Variants in CLCNKB observed in about 807,000 individuals in gnomAD.
CLCNKB encodes the protein chloride voltage-gated channel Kb.
A neutral mutation model predicts 83.8 loss-of-function variants in CLCNKB; 74 were observed. The ratio of observed to expected loss-of-function variants is 0.88; its 90% CI spans 0.73 to 1.07. The LOEUF is 1.07. Ranked by LOEUF, CLCNKB falls within the 50% of genes least tolerant of loss-of-function variation. CLCNKB has a pLI of 0.00. For missense variants in CLCNKB, 798 were observed against 893.6 expected (o/e 0.89, Z 1.36); for synonymous variants, 358 against 356.6 (o/e 1.00, Z -0.04).
In CLCNKB at chr1:16,051,113, C is replaced by T. The variant is rs1339983095; in HGVS notation, c.1227+65C>T. Reference sequence around the variant, plus strand: ...CAGCTCTGGTGGTGGTGGGGGGTACCTCATCGCAGCTGGTGGCATGGAGCC... The same window carrying T: ...CAGCTCTGGTGGTGGTGGGGGGTACTTCATCGCAGCTGGTGGCATGGAGCC... On this transcript the variant is annotated intron_variant, in intron 12 of 19. Transcript: ENST00000375679. 36 of 1,609,350 alleles carry T rather than the reference C, an allele frequency of 2.2e-5. 1 individual carries two copies. The highest frequency in any genetic ancestry group is 4.0e-5 in the African/African-American group (3 of 74,734).
chr1:16,044,239 AG>A (rs961184180), intron 1 of CLCNKB, among the ~76,000 whole-genome samples: 2 of 35,876 alleles, frequency 5.6e-5, no homozygotes, highest in Non-Finnish European at 1.1e-4. Context: ...TGCTGGACAC[AG>A]GGGGACACCT....
At chr1:16,053,051 G>T (rs1489128493) in intron 15 of CLCNKB, among the ~76,000 whole-genome samples, 1 of 148,190 alleles carries the variant, frequency 6.7e-6, no homozygotes, top group Non-Finnish European at 1.5e-5. Context: ...TTTTTTTTGA[G>T]ATGGAATCTC....
intron 7 of CLCNKB, chr1:16,048,888 C>T: frequency 1.4e-6 from 2 of 1,446,122 alleles, no homozygotes; most frequent in Non-Finnish European, 1.8e-6. Context: ...TCGCAACCGT[C>T]CCCACCCGAT....
chr1:16,055,478 G>T lies in CLCNKB; in HGVS notation c.1800G>T (p.Val600=). 1 of 1,613,232 alleles carries T rather than the reference G, an allele frequency of 6.2e-7. No individual in the cohort carries two copies. The highest frequency in any genetic ancestry group is 8.5e-7 in the Non-Finnish European group (1 of 1,179,942). ...LVGIVRRAQL[V]QALKAEPPSW... is the part of the protein sequence containing the mutation. ...GCATAGTGCGAAGGGCCCAGCTGGTGCAGGCCCTGAAGGCTGAGCCTCCTT... is the reference window on the plus strand; with the variant it reads ...GCATAGTGCGAAGGGCCCAGCTGGTTCAGGCCCTGAAGGCTGAGCCTCCTT... The change falls in exon 17 of 20, where the codon GTG becomes GTT. Residue 600 remains valine, a synonymous_variant. Coordinates refer to ENST00000375679, the MANE Select transcript of CLCNKB (RefSeq NM_000085.5).
chr1:16,056,312 A>C, intron 18 of CLCNKB, 110 bp from the exon 19 acceptor site: 1 of 1,121,074 alleles, frequency 8.9e-7, no homozygotes, highest in South Asian at 1.2e-5. Context: ...CTTGTCTCCC[A>C]CACACATCAG....
intron 4 of CLCNKB, 66 bp from the exon 5 acceptor site, chr1:16,047,831 CATCACACA>C: frequency 6.6e-7 from 1 of 1,508,950 alleles, no homozygotes; most frequent in Non-Finnish European, 9.2e-7. Flanking sequence ...AATGTGAAAA[CATCACACA>C]GGTAGAGTGT....
intron 8 of CLCNKB, 141 bp downstream of exon 8, chr1:16,049,386 T>C: frequency 6.6e-7 from 1 of 1,520,588 alleles, no homozygotes; most frequent in Non-Finnish European, 8.8e-7. Flanking sequence ...CACCTCCTTC[T>C]GGGAGGATGG....
chr1:16,049,817 G>A lies in CLCNKB; in HGVS notation c.869G>A (p.Gly290Asp), dbSNP rs148870670. 2 of 1,613,734 alleles carry A rather than the reference G, an allele frequency of 1.2e-6. No individual in the cohort carries two copies. The highest frequency in any genetic ancestry group is 2.2e-5 in the East Asian group (1 of 44,856). ...PEIFFFVALG[G>D]LCGILGSAYL... ...GCTCATGTCTCCATGCTCCCCAGGG[G>A]TCTCTGTGGCATCCTGGGCAGCGCT... is the stretch of plus-strand genomic sequence containing the variant. Residue 290 changes from glycine (G) to aspartate (D), a missense_variant and splice_region_variant, in exon 10 of 20, where the codon GGT becomes GAT. Coordinates refer to ENST00000375679, the MANE Select transcript of CLCNKB (RefSeq NM_000085.5).
Position 16,050,583 on chromosome 1 carries a change from C to T in CLCNKB, c.1036C>T (p.Arg346Cys), listed in dbSNP as rs746917976. Residue 346 changes from arginine to cysteine, a missense_variant, in exon 11 of 20, where the codon CGC becomes TGC. Coordinates refer to ENST00000375679, the MANE Select transcript of CLCNKB (RefSeq NM_000085.5). ...ASITYPPSAG[R>C]FLASRLSMKQ... Reference sequence around the variant, plus strand: ...CATCACCTACCCACCCAGCGCCGGCCGCTTCCTAGCTTCTCGGGTAAGGGG... The same window carrying T: ...CATCACCTACCCACCCAGCGCCGGCTGCTTCCTAGCTTCTCGGGTAAGGGG... 12 of 1,613,972 alleles carry T rather than the reference C, an allele frequency of 7.4e-6. No homozygotes were observed. In the Admixed American group the frequency reaches 8.3e-5, roughly 11 times the overall value.
intron 11 of CLCNKB, 119 bp downstream of exon 11, chr1:16,050,719 A>G: frequency 6.8e-7 from 1 of 1,472,952 alleles, no homozygotes; most frequent in Non-Finnish European, 9.4e-7. Flanking sequence ...ATTATTTTAT[A>G]GATGATACTA....
rs144043939 is a variant in CLCNKB at position 16,045,629 on chromosome 1, G to A, written c.172G>A (p.Val58Met). The change falls in exon 3 of 20, where the codon GTG (valine) becomes ATG (methionine). Residue 58 changes from valine to methionine, a missense_variant. By Grantham distance (21) the Val-to-Met change is conservative. Coordinates refer to ENST00000375679, the MANE Select transcript of CLCNKB (RefSeq NM_000085.5). The part of the protein sequence containing the change: ...EDWYFLMTLG[V>M]LMALVSCAMD... ...CTGGTACTTCCTGATGACCCTCGGGGTGCTCATGGCCCTGGTCAGCTGTGC... is the reference window on the plus strand; with the variant it reads ...CTGGTACTTCCTGATGACCCTCGGGATGCTCATGGCCCTGGTCAGCTGTGC... 1.9e-6 allele frequency: 3 copies of A among 1,614,120 alleles called. No individual in the cohort carries two copies. Among genetic ancestry groups the A allele is most frequent in the Non-Finnish European group, 2.5e-6 (3 of 1,179,976 alleles).
chr1:16,056,089 T>C (rs12756545), intron 18 of CLCNKB, among the ~76,000 whole-genome samples: 64,145 of 152,004 alleles, frequency 0.42, 14,357 homozygotes, highest in East Asian at 0.81. Context: ...CCCTGTGTGA[T>C]CTTGGACAAA....
intron 14 of CLCNKB, 76 bp from the exon 15 acceptor site, chr1:16,052,122 C>A: frequency 6.4e-7 from 1 of 1,573,618 alleles, no homozygotes; most frequent in South Asian, 1.1e-5. Context: ...AGCCCCTGGT[C>A]GCAGCCGTGC....
At position 16,049,884 on chromosome 1, in the gene CLCNKB, C is replaced by T. The variant is rs2023230877; in HGVS notation, c.936C>T (p.Asn312=). ...CQRIFFGFIR[N]NRFSSKLLAT... The stretch of plus-strand genomic sequence containing the variant: ...GAATCTTCTTTGGCTTCATCAGGAA[C>T]AATAGGTTCAGCTCCAAACTGCTGG... Residue 312 remains asparagine, a synonymous_variant, in exon 10 of 20, where the codon AAC becomes AAT. Coordinates refer to ENST00000375679, the MANE Select transcript of CLCNKB (RefSeq NM_000085.5). The T allele has an allele frequency of 1.9e-6, 3 of 1,613,786 alleles. No individual in the cohort carries two copies. The highest frequency in any genetic ancestry group is 2.5e-6 in the Non-Finnish European group (3 of 1,179,934).
Position 16,048,283 on chromosome 1 carries a change from C to T in CLCNKB, c.499-60C>T, listed in dbSNP as rs374566575. 558 of 1,599,894 alleles carry T rather than the reference C, an allele frequency of 3.5e-4. 1 individual carries two copies. The African/African-American group carries it at 6.6e-3, about 19-fold the overall frequency. On this transcript the variant is annotated intron_variant, in intron 5 of 19. Coordinates refer to ENST00000375679, the MANE Select transcript of CLCNKB (RefSeq NM_000085.5). Reference sequence around the variant, plus strand: ...GTGTTGGGGGGAAGCCGTGCTGACTCTGGGTGAGACCGTCTCTGCTGCCCT... The same window carrying T: ...GTGTTGGGGGGAAGCCGTGCTGACTTTGGGTGAGACCGTCTCTGCTGCCCT...
In CLCNKB at chr1:16,048,044, G is replaced by A; in HGVS notation, c.498G>A (p.Val166=). The change falls in exon 5 of 20, where the codon GTG becomes GTA. Residue 166 remains valine (V), a splice_region_variant and synonymous_variant. Transcript: ENST00000375679. ...GCAGCACCCTCTTCCTCGGGAAAGT[G>A]GTATGGGCAGGGGTGAGGGCATCCC... ...ACGSTLFLGK[V]GPFVHLSVMM... The A allele has an allele frequency of 6.2e-7, 1 of 1,613,258 alleles. No individual in the cohort carries two copies.
Position 16,045,687 on chromosome 1 carries a change from G to C in CLCNKB, c.229+1G>C. Reference sequence around the variant, plus strand: ...TTGGCTGTTGAGAGTGTGGTCCGAGGTAACCCCTCCATGGCAGGTGCTGCT... The same window carrying C: ...TTGGCTGTTGAGAGTGTGGTCCGAGCTAACCCCTCCATGGCAGGTGCTGCT... On this transcript the variant is annotated splice_donor_variant, in intron 3 of 19. Coordinates refer to ENST00000375679, the MANE Select transcript of CLCNKB (RefSeq NM_000085.5). LOFTEE classifies it high-confidence loss of function. 1 of 1,604,526 alleles carries C rather than the reference G, an allele frequency of 6.2e-7. No homozygotes were observed.
intron 4 of CLCNKB, 98 bp downstream of exon 4, chr1:16,046,761 C>T: frequency 1.4e-6 from 2 of 1,479,670 alleles, no homozygotes; most frequent in African/African-American, 2.7e-5. Context: ...CAGACAAAGG[C>T]CCAGGAAGAG....
Position 16,049,657 on chromosome 1 carries a change from A to G in CLCNKB, c.821A>G (p.Asp274Gly). The G allele has an allele frequency of 2.5e-6, 4 of 1,610,036 alleles. No individual in the cohort carries two copies. Among genetic ancestry groups the G allele is most frequent in the Non-Finnish European group, 3.4e-6 (4 of 1,178,192 alleles). Residue 274 changes from aspartate to glycine, a missense_variant, in exon 9 of 20, where the codon GAC becomes GGC. Coordinates refer to ENST00000375679, the MANE Select transcript of CLCNKB (RefSeq NM_000085.5). Reference protein sequence around the residue: ...TSLYKTSFRVDVPFDLPEIFF... With the variant: ...TSLYKTSFRVGVPFDLPEIFF... The stretch of plus-strand genomic sequence containing the variant: ...CTCTACAAGACCAGTTTCCGGGTGG[A>G]CGTTCCCTTCGACCTGCCTGAGATC...
Sources: allele counts gnomAD v4.1 joint callset (sites outside exome capture counted in the v4.1 genomes callset), GRCh38; gene constraint gnomAD v4.1.1; transcripts MANE v1.5; gene names NCBI Gene and HGNC (gene_info 2026-07-23, HGNC 2026-07-21).